The following RBM47 variants were observed in gnomAD, a reference collection of about 807,000 sequenced individuals.
RBM47 encodes RNA-binding protein 47.
A neutral mutation model predicts 47.1 loss-of-function variants in RBM47; 21 were observed. That is an observed-to-expected ratio of 0.45 (90% CI 0.32 to 0.64). The LOEUF (loss-of-function observed/expected upper bound fraction) is 0.64, where lower values mean the gene tolerates loss of function less well. Ranked by LOEUF, RBM47 falls within the 30% of genes least tolerant of loss-of-function variation. The probability of loss-of-function intolerance (pLI) is 0.05; values close to 1 mark genes in which losing one functional copy is unlikely to be tolerated. For missense variants in RBM47, 708 were observed against 870.9 expected (o/e 0.81, Z 2.35); for synonymous variants, 375 against 361.7 (o/e 1.04, Z -0.42).
intron 2 of RBM47, among the ~76,000 whole-genome samples, chr4:40,542,182 T>C (rs957825955): frequency 1.3e-5 from 2 of 152,222 alleles, no homozygotes; most frequent in African/African-American, 4.8e-5. Context: ...CAAAAAAATC[T>C]GATCATCAGT....
intron 6 of RBM47, among the ~76,000 whole-genome samples, chr4:40,429,024 G>T (rs1715480798): frequency 6.6e-6 from 1 of 152,092 alleles, no homozygotes; most frequent in African/African-American, 2.4e-5. Flanking sequence ...GTTTTAAATT[G>T]TGCACCCTTC....
Position 40,525,795 on chromosome 4 carries a change from C to T in RBM47, c.-155+18627G>A, listed in dbSNP as rs552070694. Among the ~76,000 whole-genome samples, 16 of 152,296 alleles carry T rather than the reference C, an allele frequency of 1.1e-4. No homozygotes were observed. In the South Asian group the frequency reaches 1.9e-3, roughly 18 times the overall value. On this transcript the variant is annotated intron_variant, in intron 2 of 6. Coordinates refer to ENST00000295971, the MANE Select transcript of RBM47 (RefSeq NM_001098634.2). ...TGGGAAGCTCCAGGGCCCTTGGACACCTGGCAGTGAGCATCAGAAAGAAAA... is the reference window on the plus strand; with the variant it reads ...TGGGAAGCTCCAGGGCCCTTGGACATCTGGCAGTGAGCATCAGAAAGAAAA...
At chr4:40,434,378 G>A (rs1711945511) in intron 5 of RBM47, among the ~76,000 whole-genome samples, 1 of 152,132 alleles carries the variant, frequency 6.6e-6, no homozygotes, top group Admixed American at 6.6e-5. Context: ...GTGAGTTTAA[G>A]CTACAAGGGG....
intron 1 of RBM47, among the ~76,000 whole-genome samples, chr4:40,581,379 A>AC (rs1363998930): frequency 1.3e-5 from 2 of 151,814 alleles, no homozygotes; most frequent in Admixed American, 1.3e-4. Flanking sequence ...CCGAGCTCAC[A>AC]CCACTGCTTC....
chr4:40,509,752 G>T (rs889621058), intron 2 of RBM47, among the ~76,000 whole-genome samples: 1 of 152,020 alleles, frequency 6.6e-6, no homozygotes, highest in Non-Finnish European at 1.5e-5. Context: ...CAGGCGTGGT[G>T]GCGGGCGCCT....
chr4:40,464,406 C>T (rs1221989780), intron 3 of RBM47, among the ~76,000 whole-genome samples: 2 of 152,012 alleles, frequency 1.3e-5, no homozygotes, highest in African/African-American at 4.8e-5. Flanking sequence ...ATAAATTAGG[C>T]ACAGTAAGAG....
chr4:40,456,428 TGTTGTTAA>T (rs1166306587), intron 3 of RBM47, among the ~76,000 whole-genome samples: 1 of 152,128 alleles, frequency 6.6e-6, no homozygotes, highest in Admixed American at 6.5e-5. Flanking sequence ...AAATTTCCTG[TGTTGTTAA>T]GAATATGATT....
At chr4:40,551,365 G>A (rs958003565) in intron 1 of RBM47, among the ~76,000 whole-genome samples, 3 of 152,100 alleles carry the variant, frequency 2.0e-5, no homozygotes, top group East Asian at 1.9e-4. Context: ...AAGCAAGCAC[G>A]TCTCAAACAA....
chr4:40,453,085 C>T (rs763071856), intron 3 of RBM47, among the ~76,000 whole-genome samples: 1 of 151,962 alleles, frequency 6.6e-6, no homozygotes, highest in Non-Finnish European at 1.5e-5. Context: ...GTGATCTGCC[C>T]GCCTCAGCCT....
intron 2 of RBM47, among the ~76,000 whole-genome samples, chr4:40,490,685 A>C (rs1036843344): frequency 1.1e-4 from 16 of 152,076 alleles, no homozygotes; most frequent in African/African-American, 3.6e-4. Flanking sequence ...CGGGAGGCGG[A>C]GGTTGCAGTG....
intron 1 of RBM47, among the ~76,000 whole-genome samples, chr4:40,596,168 G>A (rs28413485): frequency 0.045 from 6,915 of 152,266 alleles, 376 homozygotes; most frequent in East Asian, 0.14. Flanking sequence ...TTCTGTCACA[G>A]GACAAATGGA....
intron 2 of RBM47, among the ~76,000 whole-genome samples, chr4:40,516,125 C>T (rs1161082406): frequency 1.3e-5 from 2 of 152,024 alleles, no homozygotes; most frequent in Admixed American, 6.6e-5. Flanking sequence ...GTGAGCTGAC[C>T]CGCCTCCTAA....
In RBM47 at chr4:40,476,058, G is replaced by A. The variant is rs11935410; in HGVS notation, c.-154-9359C>T. Among the ~76,000 whole-genome samples the A allele has an allele frequency of 6.5e-3, 993 of 152,212 alleles. 18 individuals carry two copies. The highest frequency in any genetic ancestry group is 0.023 in the African/African-American group (939 of 41,540). On this transcript the variant is annotated intron_variant, in intron 2 of 6. Coordinates refer to ENST00000295971, the MANE Select transcript of RBM47 (RefSeq NM_001098634.2). ...AATATTTTATTCAAACCCAAATAAC[G>A]ACCGTAAGGAAACAAATGATTTTTC...
At chr4:40,455,113 A>T (rs919407263) in intron 3 of RBM47, among the ~76,000 whole-genome samples, 7 of 152,198 alleles carry the variant, frequency 4.6e-5, no homozygotes, top group African/African-American at 1.7e-4. Flanking sequence ...CACTCTTCTA[A>T]GCTTTCAAAG....
chr4:40,436,235 T>C (rs1712382287), intron 5 of RBM47, among the ~76,000 whole-genome samples: 1 of 152,066 alleles, frequency 6.6e-6, no homozygotes, highest in African/African-American at 2.4e-5. Flanking sequence ...AAGTTTGATT[T>C]GAACATAGTC....
intron 2 of RBM47, among the ~76,000 whole-genome samples, chr4:40,520,738 A>C (rs1409224080): frequency 2.6e-5 from 4 of 152,148 alleles, no homozygotes; most frequent in African/African-American, 9.7e-5. Flanking sequence ...CTCATCACCT[A>C]GCCAACCTCA....
chr4:40,494,614 T>G (rs1455542921), intron 2 of RBM47, among the ~76,000 whole-genome samples: 1 of 152,126 alleles, frequency 6.6e-6, no homozygotes, highest in Non-Finnish European at 1.5e-5. Flanking sequence ...AGCACCGCAT[T>G]GAGACGAGGG....
intron 2 of RBM47, among the ~76,000 whole-genome samples, chr4:40,531,871 AG>A (rs754186995): frequency 3.9e-4 from 60 of 152,260 alleles, no homozygotes; most frequent in Non-Finnish European, 7.8e-4. Flanking sequence ...AGGCCGTGAA[AG>A]ATATCGTTAA....
chr4:40,468,881 T>C (rs1718437265), intron 2 of RBM47, among the ~76,000 whole-genome samples: 1 of 152,248 alleles, frequency 6.6e-6, no homozygotes, highest in African/African-American at 2.4e-5. Context: ...ATCAAGATCA[T>C]AGTGGTTGAT....
Sources: allele counts gnomAD v4.1 joint callset (sites outside exome capture counted in the v4.1 genomes callset), GRCh38; gene constraint gnomAD v4.1.1; transcripts MANE v1.5; gene names NCBI Gene and HGNC (gene_info 2026-07-23, HGNC 2026-07-21).